Variants in KYNU observed in about 807,000 individuals in gnomAD.
KYNU encodes kynureninase.
Under a neutral mutation model 59.2 loss-of-function variants are expected in KYNU, and 54 were observed. The observed-to-expected ratio is 0.91, with a 90% CI of 0.73 to 1.14. KYNU has a LOEUF of 1.14. Among genes scored for constraint, KYNU ranks in the 50% most tolerant of loss-of-function variants. The pLI, the probability that KYNU is intolerant of heterozygous loss-of-function variation, is 0.00. For synonymous variants in KYNU, 177 were observed against 192.0 expected (o/e 0.92, Z 0.65); for missense variants, 567 against 554.4 (o/e 1.02, Z -0.23).
chr2:142,890,524 C>T (rs1681678263), intron 2 of KYNU, among the ~76,000 whole-genome samples: 1 of 152,202 alleles, frequency 6.6e-6, no homozygotes, highest in Admixed American at 6.5e-5. Context: ...GTCACCCAGG[C>T]TGGAGTGCAG....
At chr2:142,976,182 G>T (rs1013576667) in intron 8 of KYNU, among the ~76,000 whole-genome samples, 37 of 152,168 alleles carry the variant, frequency 2.4e-4, no homozygotes, top group Admixed American at 2.1e-3. Flanking sequence ...GCTGGAGGGG[G>T]CCACATGCTG....
intron 1 of KYNU, among the ~76,000 whole-genome samples, chr2:142,879,281 G>T (rs1681209885): frequency 6.6e-6 from 1 of 152,184 alleles, no homozygotes; most frequent in African/African-American, 2.4e-5. Context: ...TGTGCAAGTG[G>T]TGGAGTAGGG....
chr2:142,916,183 C>G (rs1259650898), intron 2 of KYNU, among the ~76,000 whole-genome samples: 1 of 152,086 alleles, frequency 6.6e-6, no homozygotes, highest in Non-Finnish European at 1.5e-5. Context: ...ACTAGGGGGG[C>G]TTGTTACATG....
chr2:142,939,212 C>G (rs939764070), intron 4 of KYNU, among the ~76,000 whole-genome samples: 1 of 152,020 alleles, frequency 6.6e-6, no homozygotes, highest in Non-Finnish European at 1.5e-5. Context: ...AAAGCAAACT[C>G]AAGTTCCTAC....
intron 11 of KYNU, among the ~76,000 whole-genome samples, chr2:143,032,303 A>AAC (rs1262976089): frequency 4.7e-5 from 1 of 21,480 alleles, no homozygotes; most frequent in Non-Finnish European, 1.8e-4. Context: ...AAAAAAAAAC[A>AAC]AAACAAAAAA....
chr2:143,054,189 G>T lies in KYNU; in HGVS notation c.*12017G>T, dbSNP rs1352694487. Reference sequence around the variant, plus strand: ...TTATAAATTTTCTTTTTAAATTTTAGATTCTACAATATCTCCAATTCTTCA... The same window carrying T: ...TTATAAATTTTCTTTTTAAATTTTATATTCTACAATATCTCCAATTCTTCA... On this transcript the variant is annotated 3_prime_UTR_variant, in exon 14 of 14. Transcript: ENST00000264170. 6.6e-6 allele frequency: 1 copy of T among 151,862 alleles called. No homozygotes were observed. Among genetic ancestry groups the T allele is most frequent in the Admixed American group, 6.6e-5 (1 of 15,242 alleles). 9.4% of individuals were successfully genotyped at this position (151,862 alleles called of 1,614,324 possible).
chr2:142,896,880 C>G (rs771437142), intron 2 of KYNU, among the ~76,000 whole-genome samples: 12 of 152,174 alleles, frequency 7.9e-5, no homozygotes, highest in Non-Finnish European at 1.6e-4. Flanking sequence ...TTTTTATTCT[C>G]TTATTAGCGT....
intron 2 of KYNU, among the ~76,000 whole-genome samples, chr2:142,913,836 T>C (rs1263191719): frequency 6.6e-6 from 1 of 152,262 alleles, no homozygotes; most frequent in Non-Finnish European, 1.5e-5. Flanking sequence ...AGTCTTTTCA[T>C]AGGTCTAGAA....
At chr2:143,030,285 G>C (rs144520242) in intron 11 of KYNU, among the ~76,000 whole-genome samples, 117 of 152,018 alleles carry the variant, frequency 7.7e-4, no homozygotes, top group Non-Finnish European at 1.2e-3. Context: ...CAATTCCTGT[G>C]AGCAGTTAAC....
rs1006511715 is a variant in KYNU, at chr2:143,051,362, C to G, written c.*9190C>G. ...TCAGAGAAAAACCTTCTTTATAAAC[C>G]AGAATCTTAACAGGAAGAGTGCTCA... On this transcript the variant is annotated 3_prime_UTR_variant, in exon 14 of 14. Transcript: ENST00000264170. 6.6e-6 allele frequency: 1 copy of G among 151,926 alleles called. No individual in the cohort carries two copies. The highest frequency in any genetic ancestry group is 1.5e-5 in the Non-Finnish European group (1 of 67,988). The allele number at this position is 151,926 out of a possible 1,614,324, so 9.4% of individuals were successfully genotyped here.
chr2:142,960,644 A>G lies in KYNU; in HGVS notation c.603A>G (p.Ile201Met), dbSNP rs1275353050. ...KPREGEETLR[I>M]EDILEVIEKE... The stretch of plus-strand genomic sequence containing the variant: ...TTTAGGGGGAAGAAACCTTAAGAAT[A>G]GAGGATATCCTTGAAGTAATTGAGA... The change falls in exon 8 of 14, where the codon ATA becomes ATG. Residue 201 changes from isoleucine (I) to methionine (M), a missense_variant. Transcript: ENST00000264170. The G allele has an allele frequency of 6.2e-7, 1 of 1,613,702 alleles. No homozygotes were observed. Among genetic ancestry groups the G allele is most frequent in the Admixed American group, 1.7e-5 (1 of 60,000 alleles).
At chr2:143,015,750 C>T (rs373488937) in intron 10 of KYNU, among the ~76,000 whole-genome samples, 1 of 152,108 alleles carries the variant, frequency 6.6e-6, no homozygotes, top group East Asian at 1.9e-4. Flanking sequence ...CTACCCAAAA[C>T]ATTTCCCCTC....
chr2:142,938,131 G>C (rs1683457761), intron 4 of KYNU, among the ~76,000 whole-genome samples: 1 of 152,128 alleles, frequency 6.6e-6, no homozygotes, highest in Non-Finnish European at 1.5e-5. Flanking sequence ...GTCTGTTCTA[G>C]GATATATCTG....
chr2:143,032,210 G>A (rs944824902), intron 11 of KYNU, among the ~76,000 whole-genome samples: 5 of 152,038 alleles, frequency 3.3e-5, no homozygotes, highest in Non-Finnish European at 5.9e-5. Context: ...CCCGTGAGGC[G>A]GAGGTTTCAG....
In KYNU at chr2:142,949,852, G is replaced by A. The variant is rs1420097916; in HGVS notation, c.374-4958G>A. ...GAAATTTGGATTTTCTTTTCATCGT[G>A]TTGTCAGGCTGCAAATTTTCCACAC... On this transcript the variant is annotated intron_variant, in intron 4 of 13. Transcript: ENST00000264170. Among the ~76,000 whole-genome samples the A allele has an allele frequency of 1.3e-5, 2 of 152,160 alleles. 1 individual carries two copies. Among genetic ancestry groups the A allele is most frequent in the South Asian group, 4.1e-4 (2 of 4,830 alleles).
chr2:142,948,880 T>C (rs1354553060), intron 4 of KYNU, among the ~76,000 whole-genome samples: 1 of 152,196 alleles, frequency 6.6e-6, no homozygotes. Flanking sequence ...CAGTCCAAAG[T>C]CTCATCTGAG....
intron 8 of KYNU, chr2:142,971,029 T>G (rs1684703800): frequency 6.6e-6 from 1 of 152,174 alleles, no homozygotes; most frequent in African/African-American, 2.4e-5. Context: ...AGGCCCTCAT[T>G]GTATTAGCAA....
At chr2:142,960,878 TA>T in intron 8 of KYNU, 108 bp downstream of exon 8, 10 of 1,180,730 alleles carry the variant, frequency 8.5e-6, no homozygotes, top group Non-Finnish European at 1.2e-5. Flanking sequence ...TGAGTAAAAC[TA>T]TTTCAAAAGT....
At position 143,048,991 on chromosome 2, in the gene KYNU, G is replaced by C. The variant is rs1362045839; in HGVS notation, c.*6819G>C. ...ATGATGTGTCTAGGCAGTTATTATT[G>C]TGTTTATTCTATTTCTTTATTTGCT... On this transcript the variant is annotated 3_prime_UTR_variant, in exon 14 of 14. Coordinates refer to ENST00000264170, the MANE Select transcript of KYNU (RefSeq NM_003937.3). 6.6e-6 allele frequency: 1 copy of C among 152,070 alleles called. No homozygotes were observed. Among genetic ancestry groups the C allele is most frequent in the Non-Finnish European group, 1.5e-5 (1 of 67,984 alleles). 9.4% of individuals were successfully genotyped at this position (152,070 alleles called of 1,614,324 possible). A position where few individuals can be genotyped will look rare whatever the true frequency, so the allele number is the denominator to read the frequency against.
Sources: gnomAD v4.1 joint callset for allele counts (sites outside exome capture counted in the v4.1 genomes callset) on GRCh38, gnomAD v4.1.1 for gene constraint, MANE v1.5 for transcripts, NCBI Gene and HGNC (gene_info 2026-07-23, HGNC 2026-07-21) for gene names.